Variants in NDUFAB1 observed in about 807,000 individuals in gnomAD.
NDUFAB1 encodes acyl carrier protein, mitochondrial.
A neutral mutation model predicts 16.1 loss-of-function variants in NDUFAB1; 5 were observed. That is an observed-to-expected ratio of 0.31 (90% CI 0.16 to 0.65). The LOEUF (loss-of-function observed/expected upper bound fraction) is 0.65, where lower values mean the gene tolerates loss of function less well. Ranked by LOEUF, NDUFAB1 falls within the 30% of genes least tolerant of loss-of-function variation. NDUFAB1 has a pLI of 0.77. For synonymous variants in NDUFAB1, 85 were observed against 78.4 expected (o/e 1.08, Z -0.44); for missense variants, 187 against 205.3 (o/e 0.91, Z 0.54).
chr16:23,591,861 G>A (rs1176562228), intron 1 of NDUFAB1, among the ~76,000 whole-genome samples: 1 of 152,140 alleles, frequency 6.6e-6, no homozygotes, highest in African/African-American at 2.4e-5. Flanking sequence ...ACAATGCCTT[G>A]CCTTTATTTA....
At chr16:23,592,576 C>T (rs1323294213) in intron 1 of NDUFAB1, among the ~76,000 whole-genome samples, 1 of 152,086 alleles carries the variant, frequency 6.6e-6, no homozygotes, top group Non-Finnish European at 1.5e-5. Flanking sequence ...GCGTACCATG[C>T]CCCATAGAAC....
At chr16:23,585,751 AAC>A (rs1966227264) in intron 2 of NDUFAB1, among the ~76,000 whole-genome samples, 3 of 152,132 alleles carry the variant, frequency 2.0e-5, no homozygotes, top group South Asian at 2.1e-4. Context: ...TATGAGCGAG[AAC>A]ACACAGTGTT....
rs764846772 is a variant in NDUFAB1 at position 23,587,059 on chromosome 16, C to T, written c.291+138G>A. On this transcript the variant is annotated intron_variant, in intron 2 of 4. Coordinates refer to ENST00000007516, the MANE Select transcript of NDUFAB1 (RefSeq NM_005003.3). ...TTGGAAACATACATGAAACTGGTAG[C>T]GCTGGCTATCTCCCAGAATGGGCCT... 1.0e-4 allele frequency: 76 copies of T among 747,154 alleles called. 1 individual carries two copies. The highest frequency in any genetic ancestry group is 1.6e-4 in the African/African-American group (9 of 56,482). The allele number at this position is 747,154 out of a possible 1,614,324, so 46.3% of individuals were successfully genotyped here. A position where few individuals can be genotyped will look rare whatever the true frequency, so the allele number is the denominator to read the frequency against.
chr16:23,591,819 CT>C (rs1421231389), intron 1 of NDUFAB1, among the ~76,000 whole-genome samples: 1 of 152,162 alleles, frequency 6.6e-6, no homozygotes, highest in Non-Finnish European at 1.5e-5. Context: ...TCAAGTATCT[CT>C]TTTTGCTTTT....
chr16:23,584,155 G>C (rs1966210072), intron 3 of NDUFAB1, among the ~76,000 whole-genome samples: 1 of 147,506 alleles, frequency 6.8e-6, no homozygotes, highest in Non-Finnish European at 1.5e-5. Context: ...AGGAAAACCA[G>C]AGACCTTTGT....
At chr16:23,585,312 T>C (rs1966223461) in intron 3 of NDUFAB1, 24 bp downstream of exon 3, 1 of 1,540,004 alleles carries the variant, frequency 6.5e-7, no homozygotes. Context: ...AATCGCAGTG[T>C]GTAGATAGAA....
chr16:23,584,290 T>C (rs1277189474), intron 3 of NDUFAB1, among the ~76,000 whole-genome samples: 3 of 99,020 alleles, frequency 3.0e-5, no homozygotes, highest in Non-Finnish European at 6.4e-5. Context: ...CCAGTGCCCG[T>C]CAGCAGTCAC....
At chr16:23,592,340 G>GAAAA (rs941048329) in intron 1 of NDUFAB1, among the ~76,000 whole-genome samples, 1 of 120,644 alleles carries the variant, frequency 8.3e-6, no homozygotes. Flanking sequence ...ACCTTGTCTG[G>GAAAA]AAAAAAAAAA....
chr16:23,595,268 C>A (rs1441468260), intron 1 of NDUFAB1, among the ~76,000 whole-genome samples: 1 of 152,074 alleles, frequency 6.6e-6, no homozygotes. Context: ...GACTCTGTCT[C>A]AAAAACAACA....
At chr16:23,590,638 C>CTATTTCTTTTCT (rs574003194) in intron 1 of NDUFAB1, among the ~76,000 whole-genome samples, 1 of 131,834 alleles carries the variant, frequency 7.6e-6, no homozygotes, top group African/African-American at 2.9e-5. Flanking sequence ...CCTCTGGTCT[C>CTATTTCTTTTCT]TTTTTTTTTT....
chr16:23,595,354 G>C (rs370964911), intron 1 of NDUFAB1: 2 of 354,008 alleles, frequency 5.6e-6, no homozygotes, highest in African/African-American at 2.1e-5. Context: ...ATATACTACA[G>C]GTACAGTCGT....
intron 1 of NDUFAB1, among the ~76,000 whole-genome samples, chr16:23,594,758 G>C (rs1363042692): frequency 6.6e-6 from 1 of 151,966 alleles, no homozygotes; most frequent in East Asian, 2.0e-4. Context: ...AAAGTGCTGG[G>C]ATTACAGGCG....
chr16:23,595,714 C>T, intron 1 of NDUFAB1: 1 of 457,886 alleles, frequency 2.2e-6, no homozygotes, highest in Non-Finnish European at 4.3e-6. Context: ...GTGGCTGCCT[C>T]TTTGCATGCT....
At chr16:23,581,477 C>T (rs1283185158) in intron 4 of NDUFAB1, among the ~76,000 whole-genome samples, 1 of 149,258 alleles carries the variant, frequency 6.7e-6, no homozygotes, top group Non-Finnish European at 1.5e-5. Context: ...ACCCAGGAGG[C>T]GGAGGTTGCA....
intron 1 of NDUFAB1, among the ~76,000 whole-genome samples, chr16:23,592,575 G>T (rs1339013083): frequency 6.6e-6 from 1 of 152,118 alleles, no homozygotes; most frequent in Non-Finnish European, 1.5e-5. Context: ...TGCGTACCAT[G>T]CCCCATAGAA....
At chr16:23,589,942 GAAAAAAA>G (rs57098255) in intron 1 of NDUFAB1, among the ~76,000 whole-genome samples, 337 of 70,494 alleles carry the variant, frequency 4.8e-3, no homozygotes, top group African/African-American at 0.012. Context: ...TCTCCAAAAA[GAAAAAAA>G]AAAAAAAAAA....
intron 1 of NDUFAB1, among the ~76,000 whole-genome samples, chr16:23,594,600 C>T (rs926162301): frequency 6.6e-6 from 1 of 151,766 alleles, no homozygotes; most frequent in African/African-American, 2.4e-5. Flanking sequence ...GATCCGCCCG[C>T]CTCGGCATCC....
intron 1 of NDUFAB1, among the ~76,000 whole-genome samples, chr16:23,592,189 C>T (rs574541490): frequency 6.6e-5 from 10 of 152,012 alleles, no homozygotes; most frequent in South Asian, 2.1e-4. Context: ...GTCAAGAAAA[C>T]GAAATGAGGT....
At chr16:23,590,125 C>A in intron 1 of NDUFAB1, among the ~76,000 whole-genome samples, 1 of 152,200 alleles carries the variant, frequency 6.6e-6, no homozygotes, top group East Asian at 1.9e-4. Context: ...CACAACTACC[C>A]ATGAGGCCAA....
Sources: gnomAD v4.1 joint callset for allele counts (sites outside exome capture counted in the v4.1 genomes callset) on GRCh38, gnomAD v4.1.1 for gene constraint, MANE v1.5 for transcripts, NCBI Gene and HGNC (gene_info 2026-07-23, HGNC 2026-07-21) for gene names.